The following STXBP5L variants were observed in gnomAD, a reference collection of about 807,000 sequenced individuals.
STXBP5L encodes syntaxin binding protein 5L.
In STXBP5L, 65 loss-of-function variants were observed where a neutral mutation model predicts 144.5. That is an observed-to-expected ratio of 0.45 (90% CI 0.37 to 0.55). STXBP5L has a LOEUF of 0.55. Among genes scored for constraint, STXBP5L ranks in the 20% least tolerant of loss-of-function variants. The pLI is 0.00. For synonymous variants in STXBP5L, 505 were observed against 469.6 expected, an observed-to-expected ratio of 1.08 and a Z score of -0.97; for missense variants, 1,298 against 1,405.5, an observed-to-expected ratio of 0.92 and a Z score of 1.22.
In STXBP5L at chr3:121,020,138, A is replaced by T. The variant is rs562272505; in HGVS notation, c.288-21562A>T. Among the ~76,000 whole-genome samples, 8 of 152,288 alleles carry T rather than the reference A, an allele frequency of 5.3e-5. No individual in the cohort carries two copies. In the South Asian group the frequency reaches 1.7e-3, roughly 32 times the overall value. On this transcript the variant is annotated intron_variant, in intron 3 of 26. Coordinates refer to ENST00000471454, the MANE Select transcript of STXBP5L (RefSeq NM_001308330.2). ...TTAGAAAATTACAAAATGCACTGGA[A>T]AGGCTCGGCAATAATATTGAACAAG...
chr3:120,988,800 T>A (rs1403077765), intron 3 of STXBP5L, among the ~76,000 whole-genome samples: 2 of 152,068 alleles, frequency 1.3e-5, no homozygotes, highest in African/African-American at 4.8e-5. Context: ...TCATTTATCA[T>A]CCCTCTCCCT....
chr3:121,418,672 T>C, intron 26 of STXBP5L, 115 bp downstream of exon 26: 8 of 1,014,258 alleles, frequency 7.9e-6, no homozygotes, highest in Non-Finnish European at 1.2e-5. Context: ...ATGAGAATCA[T>C]GGTAACCTAG....
intron 5 of STXBP5L, among the ~76,000 whole-genome samples, chr3:121,046,215 G>A (rs1263433374): frequency 2.6e-5 from 4 of 152,116 alleles, no homozygotes; most frequent in Non-Finnish European, 5.9e-5. Context: ...GATAAAGCCT[G>A]CTTGAGTGTG....
intron 3 of STXBP5L, among the ~76,000 whole-genome samples, chr3:121,036,961 C>G (rs1017671498): frequency 5.3e-5 from 8 of 151,868 alleles, no homozygotes; most frequent in African/African-American, 1.9e-4. Context: ...AGGTCTTTCT[C>G]TGTCACCCAG....
intron 3 of STXBP5L, among the ~76,000 whole-genome samples, chr3:120,978,893 G>A (rs954363510): frequency 1.3e-5 from 2 of 152,256 alleles, no homozygotes; most frequent in African/African-American, 2.4e-5. Flanking sequence ...CTGTCTGATC[G>A]TTCCTCTGGA....
chr3:121,273,977 G>T (rs1345086460), intron 18 of STXBP5L, among the ~76,000 whole-genome samples: 2 of 151,916 alleles, frequency 1.3e-5, no homozygotes, highest in Non-Finnish European at 2.9e-5. Flanking sequence ...CTTGTGTCTT[G>T]CTCAGCTTGA....
chr3:121,057,619 T>C (rs1948551987), intron 5 of STXBP5L, among the ~76,000 whole-genome samples: 2 of 152,084 alleles, frequency 1.3e-5, no homozygotes. Flanking sequence ...CAGCACTGTA[T>C]TTATGAGTTC....
chr3:121,248,139 C>T (rs2049914746), intron 14 of STXBP5L, among the ~76,000 whole-genome samples: 1 of 152,178 alleles, frequency 6.6e-6, no homozygotes, highest in Non-Finnish European at 1.5e-5. Flanking sequence ...TCTCGGCTCA[C>T]TACAATCTCT....
intron 9 of STXBP5L, among the ~76,000 whole-genome samples, chr3:121,169,682 C>G (rs2108053718): frequency 6.6e-6 from 1 of 152,256 alleles, no homozygotes; most frequent in South Asian, 2.1e-4. Context: ...TACAGGAGCA[C>G]CCAGATTCAT....
intron 5 of STXBP5L, among the ~76,000 whole-genome samples, chr3:121,089,936 C>T (rs895134114): frequency 6.6e-6 from 1 of 151,904 alleles, no homozygotes; most frequent in African/African-American, 2.4e-5. Flanking sequence ...TTTTTACTTA[C>T]TTTTTCTTTG....
intron 3 of STXBP5L, among the ~76,000 whole-genome samples, chr3:121,031,790 ATAG>A (rs1465988032): frequency 1.3e-5 from 2 of 152,294 alleles, no homozygotes; most frequent in East Asian, 1.9e-4. Context: ...GAAAGATTTG[ATAG>A]TAGCATTAAG....
intron 5 of STXBP5L, among the ~76,000 whole-genome samples, chr3:121,064,864 A>T (rs1441635741): frequency 6.6e-6 from 1 of 152,174 alleles, no homozygotes; most frequent in Non-Finnish European, 1.5e-5. Context: ...AGTACCAAAT[A>T]GGTAGTTTTT....
At chr3:120,948,242 T>C (rs1439361875) in intron 2 of STXBP5L, among the ~76,000 whole-genome samples, 1 of 151,200 alleles carries the variant, frequency 6.6e-6, no homozygotes, top group Non-Finnish European at 1.5e-5. Context: ...TTTATATATA[T>C]TATTTATTTA....
At chr3:121,406,056 G>A (rs1268649274) in intron 22 of STXBP5L, among the ~76,000 whole-genome samples, 1 of 151,990 alleles carries the variant, frequency 6.6e-6, no homozygotes, top group Non-Finnish European at 1.5e-5. Context: ...TCAATCCTAG[G>A]TTAATTTTAA....
rs569994826 is a variant in STXBP5L at position 121,144,076 on chromosome 3, C to G, written c.670-8401C>G. 2.0e-5 allele frequency among the ~76,000 whole-genome samples: 3 copies of G among 148,988 alleles called. No individual in the cohort carries two copies. The South Asian group carries it at 6.3e-4, about 31-fold the overall frequency. The stretch of plus-strand genomic sequence containing the variant: ...TGTAGAGAATAGGAGAAAATTTTTG[C>G]AAGCCATGTATCTGTAAAGCGTTAA... On this transcript the variant is annotated intron_variant, in intron 7 of 26. Transcript: ENST00000471454.
At chr3:121,291,875 A>G (rs975842511) in intron 19 of STXBP5L, among the ~76,000 whole-genome samples, 3 of 152,208 alleles carry the variant, frequency 2.0e-5, no homozygotes, top group Non-Finnish European at 2.9e-5. Context: ...AAACTGGATC[A>G]TCATTTCTAC....
chr3:121,037,639 G>C (rs1307580302), intron 3 of STXBP5L, among the ~76,000 whole-genome samples: 1 of 152,046 alleles, frequency 6.6e-6, no homozygotes. Context: ...GATATAGTTT[G>C]TCATGATTTG....
intron 6 of STXBP5L, among the ~76,000 whole-genome samples, chr3:121,118,979 G>A (rs1225073403): frequency 6.6e-6 from 1 of 151,374 alleles, no homozygotes; most frequent in Non-Finnish European, 1.5e-5. Flanking sequence ...GGATCTGAAG[G>A]TAATGAGAGA....
intron 5 of STXBP5L, among the ~76,000 whole-genome samples, chr3:121,106,666 C>T (rs2043727729): frequency 6.6e-6 from 1 of 151,996 alleles, no homozygotes; most frequent in Non-Finnish European, 1.5e-5. Flanking sequence ...GGGTTGATTC[C>T]ATGTCTTTGG....
Sources: allele counts gnomAD v4.1 joint callset (sites outside exome capture counted in the v4.1 genomes callset), GRCh38; gene constraint gnomAD v4.1.1; transcripts MANE v1.5; gene names NCBI Gene and HGNC (gene_info 2026-07-23, HGNC 2026-07-21).